ROR1: variants seen among roughly 807,000 people sequenced by gnomAD.
ROR1 encodes inactive tyrosine-protein kinase transmembrane receptor ROR1.
In ROR1, 19 loss-of-function variants were observed where a neutral mutation model predicts 78.8. That is an observed-to-expected ratio of 0.24 (90% confidence interval 0.17 to 0.35). The LOEUF (loss-of-function observed/expected upper bound fraction) is 0.35. Among genes scored for constraint, ROR1 ranks in the 10% least tolerant of loss-of-function variants. The pLI, the probability that ROR1 is intolerant of heterozygous loss-of-function variation, is 1.00. For synonymous variants in ROR1, 386 were observed against 433.6 expected (o/e 0.89, Z 1.36); for missense variants, 917 against 1,177.8 (o/e 0.78, Z 3.24).
intron 1 of ROR1, among the ~76,000 whole-genome samples, chr1:63,960,585 G>C (rs1646019911): frequency 6.6e-6 from 1 of 152,164 alleles, no homozygotes. Flanking sequence ...TACATTTGTT[G>C]CTCAAGTTTG....
At chr1:63,949,350 T>G (rs767792690) in intron 1 of ROR1, among the ~76,000 whole-genome samples, 21 of 152,132 alleles carry the variant, frequency 1.4e-4, no homozygotes, top group Non-Finnish European at 2.8e-4. Context: ...AGGAAAGGTT[T>G]TTGCCTGAGT....
chr1:63,776,379 G>T (rs1644616311), intron 1 of ROR1, among the ~76,000 whole-genome samples: 1 of 152,156 alleles, frequency 6.6e-6, no homozygotes, highest in African/African-American at 2.4e-5. Context: ...GTAGCAGGAG[G>T]AGCCACAGAC....
intron 7 of ROR1, among the ~76,000 whole-genome samples, chr1:64,152,788 A>G (rs983083695): frequency 1.3e-5 from 2 of 152,214 alleles, no homozygotes; most frequent in Non-Finnish European, 2.9e-5. Context: ...TTCAAGTTTG[A>G]TAAACATATC....
chr1:63,973,289 G>T (rs1438205777), intron 1 of ROR1, among the ~76,000 whole-genome samples: 1 of 152,160 alleles, frequency 6.6e-6, no homozygotes, highest in African/African-American at 2.4e-5. Context: ...GACAAGCAGA[G>T]ATCTCTGGGC....
At chr1:64,103,284 A>G (rs536643160) in intron 4 of ROR1, among the ~76,000 whole-genome samples, 1 of 152,054 alleles carries the variant, frequency 6.6e-6, no homozygotes, top group African/African-American at 2.4e-5. Flanking sequence ...CGTTGTGCAC[A>G]TGTACCCTAA....
chr1:63,873,813 A>C (rs1366495145), intron 1 of ROR1, among the ~76,000 whole-genome samples: 1 of 152,232 alleles, frequency 6.6e-6, no homozygotes, highest in Non-Finnish European at 1.5e-5. Flanking sequence ...ACAGTAGTCC[A>C]TGGGAAGGAT....
chr1:64,172,541 T>C (rs765354899), intron 8 of ROR1, among the ~76,000 whole-genome samples: 2 of 152,226 alleles, frequency 1.3e-5, no homozygotes, highest in South Asian at 4.1e-4. Flanking sequence ...CGAGGCCATC[T>C]TGTCCTTCAA....
At chr1:63,789,142 T>C (rs1415920210) in intron 1 of ROR1, 2 of 600,716 alleles carry the variant, frequency 3.3e-6, no homozygotes, top group East Asian at 4.0e-5. Flanking sequence ...TGGACAGTCA[T>C]TGGCTTGCGG....
chr1:63,983,433 C>G (rs285347), intron 1 of ROR1, among the ~76,000 whole-genome samples: 1 of 152,024 alleles, frequency 6.6e-6, no homozygotes, highest in East Asian at 1.9e-4. Flanking sequence ...ATAGGGGAAG[C>G]GGGACCCCTC....
At chr1:63,948,622 T>G (rs771910728) in intron 1 of ROR1, among the ~76,000 whole-genome samples, 6 of 152,188 alleles carry the variant, frequency 3.9e-5, no homozygotes, top group Non-Finnish European at 5.9e-5. Context: ...GTGTCCACTC[T>G]CTGCTGCCAC....
chr1:64,130,027 A>T (rs1648855862), intron 4 of ROR1, among the ~76,000 whole-genome samples: 1 of 152,156 alleles, frequency 6.6e-6, no homozygotes, highest in South Asian at 2.1e-4. Context: ...TTTTGATTTA[A>T]TTTTTTAAAG....
chr1:63,897,083 G>A (rs972171967), intron 1 of ROR1, among the ~76,000 whole-genome samples: 1 of 152,136 alleles, frequency 6.6e-6, no homozygotes, highest in African/African-American at 2.4e-5. Flanking sequence ...CAGCTCTCAG[G>A]ATTTTGCATT....
chr1:63,871,875 A>G (rs948530209), intron 1 of ROR1, among the ~76,000 whole-genome samples: 1 of 152,184 alleles, frequency 6.6e-6, no homozygotes, highest in Non-Finnish European at 1.5e-5. Context: ...CATAATGTGT[A>G]TTAAGTCATT....
intron 8 of ROR1, among the ~76,000 whole-genome samples, chr1:64,172,646 G>T (rs958414125): frequency 6.6e-6 from 1 of 152,106 alleles, no homozygotes; most frequent in Non-Finnish European, 1.5e-5. Flanking sequence ...TGCCTCATGT[G>T]TATTTTACAC....
chr1:64,012,901 A>T (rs1378491147), intron 2 of ROR1, among the ~76,000 whole-genome samples: 2 of 152,202 alleles, frequency 1.3e-5, no homozygotes, highest in Non-Finnish European at 2.9e-5. Context: ...AAAGTGATAC[A>T]CTCAGGTCAA....
At chr1:63,809,999 C>G (rs892730876) in intron 1 of ROR1, among the ~76,000 whole-genome samples, 1 of 152,092 alleles carries the variant, frequency 6.6e-6, no homozygotes, top group African/African-American at 2.4e-5. Context: ...CCCTTGGATT[C>G]CAATGCAACA....
chr1:64,048,230 T>C (rs1013044302), intron 2 of ROR1, among the ~76,000 whole-genome samples: 1 of 152,232 alleles, frequency 6.6e-6, no homozygotes. Flanking sequence ...ACTAGCCACA[T>C]GTGGCTATTT....
At position 63,959,666 on chromosome 1, in the gene ROR1, A is replaced by C. The variant is rs1260879; in HGVS notation, c.92-49639A>C. Among the ~76,000 whole-genome samples the C allele has an allele frequency of 4.1e-3, 628 of 152,274 alleles. 5 individuals carry two copies. The highest frequency in any genetic ancestry group is 0.014 in the African/African-American group (583 of 41,562). On this transcript the variant is annotated intron_variant, in intron 1 of 8. Transcript: ENST00000371079. ...TCAAAACTTATCTGTTGTGTGCACCATCTTTGCTGGGCACAGTTAGACAGC... is the reference window on the plus strand; with the variant it reads ...TCAAAACTTATCTGTTGTGTGCACCCTCTTTGCTGGGCACAGTTAGACAGC...
chr1:63,837,732 G>T (rs1459276333), intron 1 of ROR1, among the ~76,000 whole-genome samples: 1 of 152,136 alleles, frequency 6.6e-6, no homozygotes, highest in Non-Finnish European at 1.5e-5. Context: ...GGAGTAGGAG[G>T]ATCAGTTGAG....
Sources: gnomAD v4.1 joint callset for allele counts (sites outside exome capture counted in the v4.1 genomes callset) on GRCh38, gnomAD v4.1.1 for gene constraint, MANE v1.5 for transcripts, NCBI Gene and HGNC (gene_info 2026-07-23, HGNC 2026-07-21) for gene names.